Variants in TULP4 observed in about 807,000 individuals in gnomAD.
TULP4 encodes tubby-related protein 4.
Under a neutral mutation model 129.0 loss-of-function variants are expected in TULP4, and 16 were observed. The observed-to-expected ratio is 0.12, with a 90% confidence interval of 0.08 to 0.19. TULP4 has a LOEUF of 0.19. Ranked by LOEUF, TULP4 falls within the 10% of genes least tolerant of loss-of-function variation. The pLI is 1.00. For synonymous variants in TULP4, 998 were observed against 854.0 expected (o/e 1.17, Z -2.94); for missense variants, 1,842 against 2,059.1 (o/e 0.89, Z 2.04).
intron 3 of TULP4, among the ~76,000 whole-genome samples, chr6:158,447,286 A>T (rs1322082469): frequency 6.6e-6 from 1 of 150,656 alleles, no homozygotes; most frequent in Non-Finnish European, 1.5e-5. Context: ...TCAGATAGTA[A>T]TTTTTTTTTT....
intron 1 of TULP4, among the ~76,000 whole-genome samples, chr6:158,347,360 A>C (rs1480350509): frequency 2.0e-5 from 3 of 152,228 alleles, no homozygotes; most frequent in Non-Finnish European, 4.4e-5. Context: ...ACATGTTTCT[A>C]AGGCAATCAC....
At chr6:158,458,445 A>G (rs683994) in intron 5 of TULP4, among the ~76,000 whole-genome samples, 92,489 of 151,994 alleles carry the variant, frequency 0.61, 28,964 homozygotes, top group African/African-American at 0.76. Flanking sequence ...AGAACTCCCC[A>G]TTGCCTGTGA....
rs1374479803 is a variant in TULP4 at position 158,503,276 on chromosome 6, G to T, written c.3613G>T (p.Ala1205Ser). 6.2e-7 allele frequency: 1 copy of T among 1,613,874 alleles called. No homozygotes were observed. The highest frequency in any genetic ancestry group is 1.7e-5 in the Admixed American group (1 of 60,004). Residue 1205 changes from alanine (A) to serine (S), a missense_variant, in exon 13 of 14, where the codon GCT becomes TCT. By Grantham distance (99) the Ala-to-Ser change is moderately conservative (BLOSUM62 1). This residue lies in a region of TULP4 where 1,089 missense variants were observed against 987.1 expected (regional missense o/e 1.10). Coordinates refer to ENST00000367097, the MANE Select transcript of TULP4 (RefSeq NM_020245.5). The surrounding 1 kb of genome is among the most constrained non-coding windows in gnomAD (Gnocchi z 4.3). The stretch of plus-strand genomic sequence containing the variant: ...CAACCCCCCTTTGCCTGGAGTGCAG[G>T]CTCCCTGCTCTCCCAAAGATGCCCT... ...YNNPPLPGVQ[A>S]PCSPKDALSP...
intron 1 of TULP4, among the ~76,000 whole-genome samples, chr6:158,365,025 G>A (rs537155008): frequency 1.6e-4 from 24 of 151,828 alleles, no homozygotes; most frequent in Non-Finnish European, 2.8e-4. Context: ...GTGAGCCACC[G>A]CGCCCAGCCC....
At chr6:158,240,909 A>T (rs1777883999) in intron 1 of TULP4, among the ~76,000 whole-genome samples, 1 of 148,920 alleles carries the variant, frequency 6.7e-6, no homozygotes, top group South Asian at 2.1e-4. Context: ...CACTTCCCAG[A>T]TCGGGTGGCT....
chr6:158,262,616 C>A (rs903850539), intron 1 of TULP4, among the ~76,000 whole-genome samples: 1 of 152,094 alleles, frequency 6.6e-6, no homozygotes, highest in Non-Finnish European at 1.5e-5. Flanking sequence ...GAACTGTTAC[C>A]CCTCCCTGCA....
At chr6:158,357,960 A>G (rs1780685320) in intron 1 of TULP4, among the ~76,000 whole-genome samples, 1 of 152,168 alleles carries the variant, frequency 6.6e-6, no homozygotes, top group Non-Finnish European at 1.5e-5. Context: ...ATTCTTCTGG[A>G]CCCAGTGTCC....
In TULP4 at chr6:158,506,858, C is replaced by T. The variant is rs531011251; in HGVS notation, c.*164C>T. 1 of 597,198 alleles carries T rather than the reference C, an allele frequency of 1.7e-6. No homozygotes were observed. Among genetic ancestry groups the T allele is most frequent in the South Asian group, 2.0e-5 (1 of 50,044 alleles). The allele number at this position is 597,198 out of a possible 1,614,324, so 37.0% of individuals were successfully genotyped here. A position where few individuals can be genotyped will look rare whatever the true frequency, so the allele number is the denominator to read the frequency against. On this transcript the variant is annotated 3_prime_UTR_variant, in exon 14 of 14. Coordinates refer to ENST00000367097, the MANE Select transcript of TULP4 (RefSeq NM_020245.5). ...GGAGAGGGCGCTGACCTGTGGTCGT[C>T]ATTTATTTGGTTGGGTTTTATTACC...
rs142636864 is a variant in TULP4 at position 158,366,339 on chromosome 6, C to G, written c.253-46726C>G. On this transcript the variant is annotated intron_variant, in intron 1 of 13. Coordinates refer to ENST00000367097, the MANE Select transcript of TULP4 (RefSeq NM_020245.5). Reference sequence around the variant, plus strand: ...TTTTGCTATTGTCCTCCCCAGGATCCTAGTTTAGTACATGATCTTATTTTG... The same window carrying G: ...TTTTGCTATTGTCCTCCCCAGGATCGTAGTTTAGTACATGATCTTATTTTG... 1.6e-3 allele frequency among the ~76,000 whole-genome samples: 237 copies of G among 152,310 alleles called. 1 individual carries two copies. The highest frequency in any genetic ancestry group is 4.9e-3 in the African/African-American group (205 of 41,574).
chr6:158,334,270 G>A (rs9364953), intron 1 of TULP4, among the ~76,000 whole-genome samples: 23,015 of 152,196 alleles, frequency 0.15, 2,461 homozygotes, highest in East Asian at 0.43. Context: ...TACTTGATAG[G>A]TGCTGGAGAC....
chr6:158,357,629 A>G (rs1292381455), intron 1 of TULP4, among the ~76,000 whole-genome samples: 3 of 152,188 alleles, frequency 2.0e-5, no homozygotes, highest in Non-Finnish European at 4.4e-5. Flanking sequence ...TGTTATACCC[A>G]GAAAGGGAAT....
chr6:158,456,008 T>TA (rs2115164364), intron 5 of TULP4, among the ~76,000 whole-genome samples: 1 of 152,310 alleles, frequency 6.6e-6, no homozygotes, highest in South Asian at 2.1e-4. Flanking sequence ...TTGAAGTTTT[T>TA]ATACCCTTTC....
At position 158,313,609 on chromosome 6, in the gene TULP4, A is replaced by C. The variant is rs1370315375; in HGVS notation, c.-408A>C. 1 of 412,892 alleles carries C rather than the reference A, an allele frequency of 2.4e-6. No individual in the cohort carries two copies. Among genetic ancestry groups the C allele is most frequent in the East Asian group, 3.5e-5 (1 of 28,526 alleles). 25.6% of individuals were successfully genotyped at this position (412,892 alleles called of 1,614,324 possible). A position where few individuals can be genotyped will look rare whatever the true frequency, so the allele number is the denominator to read the frequency against. On this transcript the variant is annotated 5_prime_UTR_variant, in exon 1 of 14. Coordinates refer to ENST00000367097, the MANE Select transcript of TULP4 (RefSeq NM_020245.5). ...TGTATTTGCAACCCTTTGTCTCTGG[A>C]ATCATATTACACTAAACTGGAATCT...
intron 1 of TULP4, among the ~76,000 whole-genome samples, chr6:158,388,034 A>G (rs959684277): frequency 6.6e-6 from 1 of 152,220 alleles, no homozygotes; most frequent in Non-Finnish European, 1.5e-5. Flanking sequence ...ACAGTAGAAC[A>G]GCTAATCAGT....
At chr6:158,249,003 T>TG in intron 1 of TULP4, among the ~76,000 whole-genome samples, 1 of 147,580 alleles carries the variant, frequency 6.8e-6, no homozygotes, top group East Asian at 2.0e-4. Flanking sequence ...CAAGTGCCTG[T>TG]GGTCCCAGCT....
intron 1 of TULP4, among the ~76,000 whole-genome samples, chr6:158,254,758 T>A (rs1455343788): frequency 6.6e-6 from 1 of 152,170 alleles, no homozygotes; most frequent in African/African-American, 2.4e-5. Context: ...GAGACTTGAG[T>A]CTGCATCTCC....
intron 5 of TULP4, 80 bp from the exon 6 acceptor site, chr6:158,461,483 C>A: frequency 7.5e-7 from 1 of 1,332,380 alleles, no homozygotes; most frequent in Non-Finnish European, 1.0e-6. Flanking sequence ...ATTTTTTAAA[C>A]TACTGAAGAC....
At chr6:158,506,549 A>G in intron 13 of TULP4, 29 bp from the exon 14 acceptor site, 1 of 1,466,006 alleles carries the variant, frequency 6.8e-7, no homozygotes, top group Non-Finnish European at 9.6e-7. Flanking sequence ...TTATTCTTTA[A>G]TGTCTTTGCT....
intron 1 of TULP4, among the ~76,000 whole-genome samples, chr6:158,386,721 A>G (rs1201946170): frequency 6.6e-6 from 1 of 152,212 alleles, no homozygotes; most frequent in Admixed American, 6.5e-5. Flanking sequence ...TGGATTAGAA[A>G]TATGACTTTA....
Sources: allele counts gnomAD v4.1 joint callset (sites outside exome capture counted in the v4.1 genomes callset), GRCh38; gene constraint gnomAD v4.1.1; regional missense constraint gnomAD v4.1.1; non-coding constraint Gnocchi (gnomAD v3.1); transcripts MANE v1.5; gene names NCBI Gene and HGNC (gene_info 2026-07-23, HGNC 2026-07-21).